PMFBP1: variants seen among roughly 807,000 people sequenced by gnomAD.
The protein encoded by PMFBP1 is polyamine-modulated factor 1-binding protein 1.
Under a neutral mutation model 137.8 loss-of-function variants are expected in PMFBP1, and 131 were observed. The observed-to-expected ratio is 0.95, with a 90% CI of 0.82 to 1.10. The LOEUF (loss-of-function observed/expected upper bound fraction) is 1.10. Among genes scored for constraint, PMFBP1 ranks in the 50% least tolerant of loss-of-function variants. PMFBP1 has a pLI of 0.00. For missense variants in PMFBP1, 1,199 were observed against 1,175.4 expected, an observed-to-expected ratio of 1.02 and a Z score of -0.29; for synonymous variants, 490 against 450.4, an observed-to-expected ratio of 1.09 and a Z score of -1.11.
upstream of PMFBP1, among the ~76,000 whole-genome samples, chr16:72,180,506 C>T (rs1434301514): frequency 6.6e-6 from 1 of 152,168 alleles, no homozygotes; most frequent in South Asian, 2.1e-4. Flanking sequence ...CAATGTGTTT[C>T]TCCCCAACCA....
Position 72,154,312 on chromosome 16 carries a change from G to T in PMFBP1, c.313C>A (p.Gln105Lys). The change falls in exon 4 of 21, where the codon CAG (glutamine) becomes AAG (lysine). Residue 105 changes from glutamine (Q) to lysine (K), a missense_variant. By Grantham distance (53) the Gln-to-Lys change is moderately conservative. Coordinates refer to ENST00000237353, the MANE Select transcript of PMFBP1 (RefSeq NM_031293.3). ...TGGCGGAGAGAATAGTAAGAAGTCT[G>T]CAACTCCTCTGTGTGAAACTCCAGT... Reference protein sequence around the residue: ...QELEFHTEELQTSYYSLRQYQ... With the variant: ...QELEFHTEELKTSYYSLRQYQ... 1.9e-6 allele frequency: 3 copies of T among 1,614,160 alleles called. No homozygotes were observed. The highest frequency in any genetic ancestry group is 2.5e-6 in the Non-Finnish European group (3 of 1,180,012).
chr16:72,154,398 T>C lies in PMFBP1; in HGVS notation c.227A>G (p.Lys76Arg), dbSNP rs762721827. The C allele has an allele frequency of 2.5e-6, 4 of 1,614,166 alleles. No homozygotes were observed. Among genetic ancestry groups the C allele is most frequent in the Non-Finnish European group, 2.5e-6 (3 of 1,180,018 alleles). ...EESEVEFGSS[K>R]QCHLRQLQQL... ...CTGGAGTTGTCTCAGATGACACTGT[T>C]TACTGGACCCAAATTCCACCTCTGA... Residue 76 changes from lysine (K) to arginine (R), a missense_variant, in exon 4 of 21, where the codon AAA becomes AGA. Coordinates refer to ENST00000237353, the MANE Select transcript of PMFBP1 (RefSeq NM_031293.3).
Position 72,122,914 on chromosome 16 carries a change from T to C in PMFBP1, c.2768A>G (p.Asp923Gly), listed in dbSNP as rs1381388178. ...GCCAGGGTGGTTTAAGATGACTTAC[T>C]CCTTTTCGCCACTCAGCTTGGCAAT... ...KYIAKLSGEK[D>G]HLHSVMVHLQ... The change falls in exon 19 of 21, where the codon GAC becomes GGC. Residue 923 changes from aspartate to glycine, a missense_variant and splice_region_variant. Physicochemically the swap from Asp to Gly is moderately conservative, Grantham distance 94. Transcript: ENST00000237353. 2 of 1,612,858 alleles carry C rather than the reference T, an allele frequency of 1.2e-6. No homozygotes were observed. Among genetic ancestry groups the C allele is most frequent in the South Asian group, 2.2e-5 (2 of 91,062 alleles).
chr16:72,237,565 AT>A, the PMFBP1 span, among the ~76,000 whole-genome samples: 10 of 152,200 alleles, frequency 6.6e-5, no homozygotes, highest in Non-Finnish European at 1.3e-4. Context: ...TTTTTAAAAA[AT>A]TTTTTTGGCA....
intron 15 of PMFBP1, 142 bp from the exon 16 acceptor site, chr16:72,125,547 A>T (rs952340383): frequency 1.0e-6 from 1 of 958,610 alleles, no homozygotes; most frequent in African/African-American, 1.7e-5. Context: ...TCTCCCAGAG[A>T]GGGGTGGGAA....
At chr16:72,233,807 A>G in the PMFBP1 span, among the ~76,000 whole-genome samples, 1 of 152,142 alleles carries the variant, frequency 6.6e-6, no homozygotes, top group African/African-American at 2.4e-5. Flanking sequence ...CCTATGCTAA[A>G]CATTTCACAT....
intron 2 of PMFBP1, 146 bp downstream of exon 2, chr16:72,171,051 G>C (rs1415191593): frequency 1.1e-6 from 1 of 871,052 alleles, no homozygotes; most frequent in Non-Finnish European, 1.8e-6. Flanking sequence ...CTCGAGTCTG[G>C]GCTCTTAAAC....
chr16:72,211,286 A>C, the PMFBP1 span, among the ~76,000 whole-genome samples: 1 of 151,926 alleles, frequency 6.6e-6, no homozygotes, highest in Non-Finnish European at 1.5e-5. Flanking sequence ...CACCTCCCAG[A>C]CTCAGTGCAC....
chr16:72,152,355 G>A (rs1432404025), intron 4 of PMFBP1, among the ~76,000 whole-genome samples: 1 of 152,074 alleles, frequency 6.6e-6, no homozygotes, highest in African/African-American at 2.4e-5. Flanking sequence ...CTCTACTGGG[G>A]GCAGCAATGC....
At chr16:72,194,883 T>C in the PMFBP1 span, among the ~76,000 whole-genome samples, 1 of 152,246 alleles carries the variant, frequency 6.6e-6, no homozygotes, top group Non-Finnish European at 1.5e-5. Context: ...GGAGTTCCTC[T>C]TTCTGGCTTA....
chr16:72,146,021 T>C (rs2042800646), intron 5 of PMFBP1, among the ~76,000 whole-genome samples: 1 of 152,166 alleles, frequency 6.6e-6, no homozygotes, highest in East Asian at 1.9e-4. Context: ...CCTCCCTAAC[T>C]CATTTTAAAA....
chr16:72,244,992 TCGGGCAA>T, the PMFBP1 span, among the ~76,000 whole-genome samples: 1 of 151,972 alleles, frequency 6.6e-6, no homozygotes, highest in African/African-American at 2.4e-5. Flanking sequence ...GGCATGAGAG[TCGGGCAA>T]CTGACTTGGG....
the PMFBP1 span, among the ~76,000 whole-genome samples, chr16:72,217,304 T>C: frequency 1.3e-5 from 2 of 152,214 alleles, no homozygotes; most frequent in South Asian, 4.1e-4. Context: ...ATATTATAAT[T>C]ACATTTTAAA....
chr16:72,177,852 G>A (rs1043051962), upstream of PMFBP1, among the ~76,000 whole-genome samples: 3 of 152,024 alleles, frequency 2.0e-5, no homozygotes, highest in African/African-American at 4.8e-5. Context: ...AACAGTACTG[G>A]AAAGTTAATT....
chr16:72,142,454 T>C (rs2042737755), intron 5 of PMFBP1, among the ~76,000 whole-genome samples: 1 of 152,162 alleles, frequency 6.6e-6, no homozygotes, highest in Non-Finnish European at 1.5e-5. Context: ...ATAGGTAAAC[T>C]ATGAAAAATG....
At chr16:72,232,696 T>C in the PMFBP1 span, among the ~76,000 whole-genome samples, 1 of 152,108 alleles carries the variant, frequency 6.6e-6, no homozygotes, top group East Asian at 1.9e-4. Context: ...AAGTATTAAC[T>C]TATAGATCAA....
chr16:72,139,117 T>C (rs971065418), intron 7 of PMFBP1, among the ~76,000 whole-genome samples, 172 bp downstream of exon 7: 15 of 152,324 alleles, frequency 9.8e-5, no homozygotes, highest in African/African-American at 3.4e-4. Flanking sequence ...GCCTGTCTTT[T>C]GGGTTTGGCA....
chr16:72,154,671 GA>G (rs896226907), intron 3 of PMFBP1, among the ~76,000 whole-genome samples: 1 of 151,424 alleles, frequency 6.6e-6, no homozygotes, highest in Non-Finnish European at 1.5e-5. Context: ...TTCAGTAGAA[GA>G]AAAAAAATGG....
intron 19 of PMFBP1, among the ~76,000 whole-genome samples, chr16:72,121,864 G>A (rs1451780125): frequency 1.3e-5 from 2 of 152,140 alleles, no homozygotes; most frequent in African/African-American, 4.8e-5. Flanking sequence ...CTGGGCTCAA[G>A]TGATCCTAAA....
Sources: gnomAD v4.1 joint callset for allele counts (sites outside exome capture counted in the v4.1 genomes callset) on GRCh38, gnomAD v4.1.1 for gene constraint, MANE v1.5 for transcripts, NCBI Gene and HGNC (gene_info 2026-07-23, HGNC 2026-07-21) for gene names.